Variants in TCF12 observed in about 807,000 individuals in gnomAD.
TCF12 encodes transcription factor 12, also known as DNA-binding protein HTF4.
Under a neutral mutation model 86.0 loss-of-function variants are expected in TCF12, and 45 were observed. The observed-to-expected ratio is 0.52, with a 90% CI of 0.41 to 0.67. The LOEUF is 0.67. Ranked by LOEUF, TCF12 falls within the 30% of genes least tolerant of loss-of-function variation. The pLI, the probability that TCF12 is intolerant of heterozygous loss-of-function variation, is 0.00. For synonymous variants in TCF12, 330 were observed against 299.6 expected (o/e 1.10, Z -1.05); for missense variants, 881 against 859.9 (o/e 1.02, Z -0.31).
chr15:56,957,430 AT>A (rs1368114332), intron 3 of TCF12, among the ~76,000 whole-genome samples: 5 of 152,066 alleles, frequency 3.3e-5, no homozygotes, highest in Non-Finnish European at 5.9e-5. Flanking sequence ...TTTGTGTTTT[AT>A]ATTGGATTGT....
At chr15:56,925,895 C>T (rs369966007) in intron 3 of TCF12, among the ~76,000 whole-genome samples, 1 of 152,174 alleles carries the variant, frequency 6.6e-6, no homozygotes, top group African/African-American at 2.4e-5. Context: ...TGACAGTCTG[C>T]TTTGTTAAAT....
intron 18 of TCF12, among the ~76,000 whole-genome samples, chr15:57,271,593 C>T (rs1383140536): frequency 2.0e-5 from 3 of 152,192 alleles, no homozygotes; most frequent in Non-Finnish European, 4.4e-5. Context: ...CCGTGGGCTG[C>T]ACCCACTGTT....
At chr15:57,195,909 C>T (rs1420644842) in intron 7 of TCF12, among the ~76,000 whole-genome samples, 1 of 152,144 alleles carries the variant, frequency 6.6e-6, no homozygotes, top group Non-Finnish European at 1.5e-5. Flanking sequence ...GAGACCAAGG[C>T]AGGGGAATTG....
chr15:57,115,082 A>T (rs1408699168), intron 5 of TCF12, among the ~76,000 whole-genome samples: 4 of 152,110 alleles, frequency 2.6e-5, no homozygotes, highest in African/African-American at 9.7e-5. Flanking sequence ...GAACTTTTAG[A>T]TTTGTTCTCT....
chr15:56,958,678 A>AGAGAGTGTGTGT (rs1198441460), intron 3 of TCF12, among the ~76,000 whole-genome samples: 2 of 142,176 alleles, frequency 1.4e-5, no homozygotes, highest in African/African-American at 5.7e-5. Flanking sequence ...AGAGAGAGAG[A>AGAGAGTGTGTGT]GTGTGTGTGT....
intron 5 of TCF12, among the ~76,000 whole-genome samples, chr15:57,136,680 T>C (rs185521863): frequency 2.6e-5 from 4 of 152,268 alleles, no homozygotes; most frequent in African/African-American, 4.8e-5. Flanking sequence ...TCGTAATAGA[T>C]GTTTTCTTTT....
intron 3 of TCF12, among the ~76,000 whole-genome samples, chr15:57,044,679 T>C (rs1359865759): frequency 1.3e-5 from 2 of 152,158 alleles, no homozygotes; most frequent in African/African-American, 4.8e-5. Flanking sequence ...GAGCTTTTCA[T>C]GCTGACTTTA....
At chr15:57,254,874 A>AAAAAAAAAAAAG (rs1555410242) in intron 16 of TCF12, among the ~76,000 whole-genome samples, 7 of 108,840 alleles carry the variant, frequency 6.4e-5, no homozygotes, top group African/African-American at 1.4e-4. Flanking sequence ...AAAAAAAAAA[A>AAAAAAAAAAAAG]AAAGAAAGAA....
chr15:57,256,748 C>A (rs886536928), intron 16 of TCF12, among the ~76,000 whole-genome samples: 1 of 152,126 alleles, frequency 6.6e-6, no homozygotes, highest in Non-Finnish European at 1.5e-5. Flanking sequence ...TTCATGAGGT[C>A]AGCTTCTTTC....
intron 13 of TCF12, among the ~76,000 whole-genome samples, chr15:57,248,633 C>T (rs1453979058): frequency 6.6e-6 from 1 of 152,166 alleles, no homozygotes; most frequent in Non-Finnish European, 1.5e-5. Context: ...TTTTTATTAC[C>T]TGTCAGATTG....
At chr15:57,252,242 AC>A (rs2060150616) in intron 14 of TCF12, 178 bp from the exon 15 acceptor site, 1 of 533,496 alleles carries the variant, frequency 1.9e-6, no homozygotes, top group Non-Finnish European at 3.3e-6. Context: ...TTAGATGCTA[AC>A]CTTGTAACTT....
chr15:57,097,059 G>A (rs1310313108), intron 5 of TCF12, among the ~76,000 whole-genome samples: 1 of 152,062 alleles, frequency 6.6e-6, no homozygotes, highest in Admixed American at 6.6e-5. Context: ...GGGAATTTAA[G>A]CCCAAGTACA....
At chr15:57,105,645 C>G (rs1259698924) in intron 5 of TCF12, among the ~76,000 whole-genome samples, 1 of 152,162 alleles carries the variant, frequency 6.6e-6, no homozygotes, top group Non-Finnish European at 1.5e-5. Flanking sequence ...CTCCTGACCT[C>G]AAGTGGTCTG....
At chr15:56,966,273 G>A (rs1001560663) in intron 3 of TCF12, among the ~76,000 whole-genome samples, 1 of 151,990 alleles carries the variant, frequency 6.6e-6, no homozygotes, top group Non-Finnish European at 1.5e-5. Context: ...GCTAGGTTTT[G>A]CCATTAATTT....
At chr15:57,157,370 C>T (rs1192430459) in intron 5 of TCF12, among the ~76,000 whole-genome samples, 2 of 145,198 alleles carry the variant, frequency 1.4e-5, no homozygotes, top group African/African-American at 2.7e-5. Flanking sequence ...TTCTAAACAA[C>T]ATGTGGTTGG....
chr15:57,215,175 G>A (rs2058281361), intron 8 of TCF12, among the ~76,000 whole-genome samples: 1 of 152,108 alleles, frequency 6.6e-6, no homozygotes, highest in South Asian at 2.1e-4. Flanking sequence ...GCAATATAAT[G>A]TTCAGATATA....
chr15:56,995,153 A>T (rs1247911807), intron 3 of TCF12, among the ~76,000 whole-genome samples: 2 of 151,190 alleles, frequency 1.3e-5, no homozygotes, highest in Admixed American at 6.6e-5. Context: ...TGGATAAATT[A>T]AAAAATATTC....
intron 3 of TCF12, among the ~76,000 whole-genome samples, chr15:56,972,941 T>A (rs1038310615): frequency 1.3e-5 from 2 of 152,166 alleles, no homozygotes; most frequent in African/African-American, 4.8e-5. Context: ...TATTGAACTC[T>A]AGTTTTTAGG....
At chr15:57,172,173 G>C (rs2055556268) in intron 6 of TCF12, among the ~76,000 whole-genome samples, 1 of 152,080 alleles carries the variant, frequency 6.6e-6, no homozygotes, top group Non-Finnish European at 1.5e-5. Context: ...TAAAAGAGTT[G>C]ATGTATCAGA....
Sources: gnomAD v4.1 joint callset for allele counts (sites outside exome capture counted in the v4.1 genomes callset) on GRCh38, gnomAD v4.1.1 for gene constraint, MANE v1.5 for transcripts, NCBI Gene and HGNC (gene_info 2026-07-23, HGNC 2026-07-21) for gene names.